The following NEURL3 variants were observed in gnomAD, a reference collection of about 807,000 sequenced individuals.
The protein encoded by NEURL3 is E3 ubiquitin-protein ligase NEURL3.
NEURL3 carries 19 observed loss-of-function variants against 17.6 expected under a neutral mutation model. The observed-to-expected ratio is 1.08, with a 90% CI of 0.75 to 1.58. NEURL3 has a LOEUF of 1.58. NEURL3 is among the 40% of genes most tolerant of loss of function. The pLI is 0.00. For missense variants in NEURL3, 342 were observed against 379.6 expected (o/e 0.90, Z 0.82); for synonymous variants, 180 against 161.4 (o/e 1.11, Z -0.87).
rs761933325 is a variant in NEURL3, at chr2:96,497,979, G to A, written c.*265C>T. On this transcript the variant is annotated 3_prime_UTR_variant, in exon 4 of 4. Coordinates refer to ENST00000451794, the MANE Select transcript of NEURL3 (RefSeq NM_001285485.2). Reference sequence around the variant, plus strand: ...CAGATGTAAAACTGATTGGGGATTGGGCCACCCCATCTCTAAACAAAGCAC... The same window carrying A: ...CAGATGTAAAACTGATTGGGGATTGAGCCACCCCATCTCTAAACAAAGCAC... 4 of 465,618 alleles carry A rather than the reference G, an allele frequency of 8.6e-6. No homozygotes were observed. Among genetic ancestry groups the A allele is most frequent in the Non-Finnish European group, 1.5e-5 (4 of 260,736 alleles). The allele number at this position is 465,618 out of a possible 1,614,324, so 28.8% of individuals were successfully genotyped here.
chr2:96,502,505 T>C (rs1207862974), intron 1 of NEURL3, among the ~76,000 whole-genome samples: 1 of 152,198 alleles, frequency 6.6e-6, no homozygotes, highest in Non-Finnish European at 1.5e-5. Flanking sequence ...GGCAGTGAAG[T>C]GCATGTCCAG....
intron 1 of NEURL3, among the ~76,000 whole-genome samples, chr2:96,504,324 G>A (rs1363126818): frequency 6.6e-6 from 1 of 152,180 alleles, no homozygotes; most frequent in Non-Finnish European, 1.5e-5. Flanking sequence ...AGTCATCTGT[G>A]TTTTTGCAGC....
Position 96,498,379 on chromosome 2 carries a change from G to GC in NEURL3, c.653dup (p.His219ProfsTer41), listed in dbSNP as rs1558598206. The GC allele has an allele frequency of 6.3e-7, 1 of 1,599,484 alleles. No individual in the cohort carries two copies. Among genetic ancestry groups the GC allele is most frequent in the East Asian group, 2.2e-5 (1 of 44,870 alleles). ...CACAGTATCTGCAGAAGTATGTGTG[G>GC]CCGCAGGGCACAAGGCGGGTGTTGG... On this transcript the variant is annotated frameshift_variant, in exon 4 of 4. Transcript: ENST00000451794. LOFTEE classifies it low-confidence loss of function (END_TRUNC). This position sits in a 1 kb window ranked among gnomAD's most constrained non-coding sequence, Gnocchi z 4.4.
rs879252895 is a variant in NEURL3, at chr2:96,499,502, C to A, written c.515-53G>T. ...AGGACGGCAAGCCCAGGTGCCCCCC[C>A]ATCCCCGCCCCTGGCCCCGCAGCAA... On this transcript the variant is annotated intron_variant, in intron 2 of 3. Transcript: ENST00000451794. 1.8e-4 allele frequency: 277 copies of A among 1,523,366 alleles called. 1 individual carries two copies. The highest frequency in any genetic ancestry group is 2.2e-4 in the Non-Finnish European group (247 of 1,112,188). 94.4% of individuals were successfully genotyped at this position (1,523,366 alleles called of 1,614,324 possible).
chr2:96,500,201 C>CAT, intron 2 of NEURL3: 1 of 572,988 alleles, frequency 1.7e-6, no homozygotes, highest in Non-Finnish European at 3.1e-6. Context: ...GTTTGAGTAA[C>CAT]AGATGGTGTG....
intron 1 of NEURL3, 80 bp from the exon 2 acceptor site, chr2:96,501,004 A>C: frequency 7.1e-7 from 1 of 1,409,448 alleles, no homozygotes; most frequent in Non-Finnish European, 9.2e-7. Flanking sequence ...AGTATCCCAG[A>C]GTCCCTCACA....
At chr2:96,503,879 A>T (rs552083745) in intron 1 of NEURL3, among the ~76,000 whole-genome samples, 18 of 152,324 alleles carry the variant, frequency 1.2e-4, no homozygotes, top group African/African-American at 4.1e-4. Flanking sequence ...CTGGGCTGGC[A>T]CAGGGTTCAG....
Position 96,498,418 on chromosome 2 carries a change from G to A in NEURL3, c.615C>T (p.Cys205=). The change falls in exon 4 of 4, where the codon TGC becomes TGT. Residue 205 remains cysteine (C), a synonymous_variant. Transcript: ENST00000451794. This position sits in a 1 kb window ranked among gnomAD's most constrained non-coding sequence, Gnocchi z 4.4. Reference sequence around the variant, plus strand: ...GGCGGGTGTTGGCAGCGTGATAGAAGCAGATGGCACACTCCTCTCCTGGTG... The same window carrying A: ...GGCGGGTGTTGGCAGCGTGATAGAAACAGATGGCACACTCCTCTCCTGGTG... ...KATPGEECAI[C]FYHAANTRLV... 2 of 1,598,828 alleles carry A rather than the reference G, an allele frequency of 1.3e-6. No individual in the cohort carries two copies. Among genetic ancestry groups the A allele is most frequent in the South Asian group, 2.2e-5 (2 of 91,022 alleles).
chr2:96,502,040 G>A (rs551737928), intron 1 of NEURL3, among the ~76,000 whole-genome samples: 5 of 152,220 alleles, frequency 3.3e-5, no homozygotes, highest in East Asian at 3.9e-4. Context: ...GGACACGTTT[G>A]CGGTGACAGT....
chr2:96,505,227 C>T, intron 1 of NEURL3, 32 bp downstream of exon 1: 1 of 1,598,924 alleles, frequency 6.3e-7, no homozygotes, highest in Non-Finnish European at 8.5e-7. Context: ...AGTCCAGAGA[C>T]CAAGCTCCAG....
Position 96,498,459 on chromosome 2 carries a change from G to T in NEURL3, c.587-13C>A. ...TCTCCTGGTGTGGCTGGAAGAGGGA[G>T]CAACACAGGTCAGGGCACATGGGGG... On this transcript the variant is annotated splice_polypyrimidine_tract_variant and intron_variant, in intron 3 of 3. Coordinates refer to ENST00000451794, the MANE Select transcript of NEURL3 (RefSeq NM_001285485.2). This position sits in a 1 kb window ranked among gnomAD's most constrained non-coding sequence, Gnocchi z 4.4. 1 of 1,590,732 alleles carries T rather than the reference G, an allele frequency of 6.3e-7. No individual in the cohort carries two copies. Among genetic ancestry groups the T allele is most frequent in the South Asian group, 1.1e-5 (1 of 90,584 alleles).
In NEURL3 at chr2:96,500,268, T is replaced by TG. The variant is rs2065488513; in HGVS notation, c.514+170dup. 3.3e-6 allele frequency: 3 copies of TG among 921,684 alleles called. No homozygotes were observed. The South Asian group carries it at 5.0e-5, about 15-fold the overall frequency. The allele number at this position is 921,684 out of a possible 1,614,324, so 57.1% of individuals were successfully genotyped here. On this transcript the variant is annotated intron_variant, in intron 2 of 3. Transcript: ENST00000451794. ...GGGACAAGACTGCCCTCCCTACGAC[T>TG]GAGCCTTGTCTATCTGGCGTCTCCA...
upstream of NEURL3, chr2:96,505,502 TGGCCGGCCTAAGAGAAGGAAACA>T: frequency 1.7e-6 from 1 of 604,062 alleles, no homozygotes; most frequent in South Asian, 2.0e-5. Context: ...CTGCTGGAGC[TGGCCGGCCTAAGAGAAGGAAACA>T]GGAATGGGGG....
chr2:96,498,476 A>G lies in NEURL3; in HGVS notation c.587-30T>C, dbSNP rs187241869. 53 of 1,566,442 alleles carry G rather than the reference A, an allele frequency of 3.4e-5. No individual in the cohort carries two copies. In the African/African-American group the frequency reaches 7.0e-4, roughly 21 times the overall value. The stretch of plus-strand genomic sequence containing the variant: ...AAGAGGGAGCAACACAGGTCAGGGC[A>G]CATGGGGGAAGGGGTGGGCAACCCG... On this transcript the variant is annotated intron_variant, in intron 3 of 3. Coordinates refer to ENST00000451794, the MANE Select transcript of NEURL3 (RefSeq NM_001285485.2). This position sits in a 1 kb window ranked among gnomAD's most constrained non-coding sequence, Gnocchi z 4.4.
chr2:96,500,343 A>G (rs768335598), intron 2 of NEURL3, 96 bp downstream of exon 2: 1 of 1,515,580 alleles, frequency 6.6e-7, no homozygotes, highest in South Asian at 1.2e-5. Context: ...GAATAACTGA[A>G]TGTGAACGTT....
chr2:96,505,234 C>T, intron 1 of NEURL3, 25 bp downstream of exon 1: 2 of 1,599,090 alleles, frequency 1.3e-6, no homozygotes, highest in South Asian at 1.1e-5. Flanking sequence ...AGACCAAGCT[C>T]CAGGCTTGCA....
Position 96,505,338 on chromosome 2 carries a change from A to T in NEURL3, c.-52T>A. 6.3e-7 allele frequency: 1 copy of T among 1,588,946 alleles called. No individual in the cohort carries two copies. Among genetic ancestry groups the T allele is most frequent in the South Asian group, 1.1e-5 (1 of 90,814 alleles). On this transcript the variant is annotated 5_prime_UTR_variant, in exon 1 of 4. Transcript: ENST00000451794. Reference sequence around the variant, plus strand: ...CCCAGGTCTAGAAGGAACTGCCTGGAGAAGGCCAGTGGACAGGTTACCAAA... The same window carrying T: ...CCCAGGTCTAGAAGGAACTGCCTGGTGAAGGCCAGTGGACAGGTTACCAAA...
In NEURL3 at chr2:96,505,315, CAGGTCTAGA is replaced by C. The variant is rs2065552402; in HGVS notation, c.-38_-30del. 1 of 1,598,896 alleles carries C rather than the reference CAGGTCTAGA, an allele frequency of 6.3e-7. No homozygotes were observed. The highest frequency in any genetic ancestry group is 8.5e-7 in the Non-Finnish European group (1 of 1,179,734). On this transcript the variant is annotated 5_prime_UTR_variant, in exon 1 of 4. Coordinates refer to ENST00000451794, the MANE Select transcript of NEURL3 (RefSeq NM_001285485.2). ...TCTAAGGTCCTCGGGCACAGGTCCC[CAGGTCTAGA>C]AGGAACTGCCTGGAGAAGGCCAGTG...
intron 1 of NEURL3, among the ~76,000 whole-genome samples, chr2:96,502,925 A>G (rs923495611): frequency 1.3e-5 from 2 of 152,222 alleles, no homozygotes; most frequent in Admixed American, 1.3e-4. Context: ...GCCCCTACAG[A>G]GAAAGGGGAA....
Sources: allele counts gnomAD v4.1 joint callset (sites outside exome capture counted in the v4.1 genomes callset), GRCh38; gene constraint gnomAD v4.1.1; non-coding constraint Gnocchi (gnomAD v3.1); transcripts MANE v1.5; gene names NCBI Gene and HGNC (gene_info 2026-07-23, HGNC 2026-07-21).